The following SCG2 variants were observed in gnomAD, a reference collection of about 807,000 sequenced individuals.
SCG2 encodes secretogranin II, also known as secretogranin-2.
A neutral mutation model predicts 49.5 loss-of-function variants in SCG2; 23 were observed. That is an observed-to-expected ratio of 0.46 (90% CI 0.33 to 0.66). The LOEUF (loss-of-function observed/expected upper bound fraction) is 0.66. Among genes scored for constraint, SCG2 ranks in the 30% least tolerant of loss-of-function variants. The pLI is 0.01. For synonymous variants in SCG2, 288 were observed against 260.4 expected, an observed-to-expected ratio of 1.11 and a Z score of -1.02; for missense variants, 730 against 728.2, an observed-to-expected ratio of 1.00 and a Z score of -0.03.
At position 223,598,509 on chromosome 2, in the gene SCG2, C is replaced by T; in HGVS notation, c.774G>A (p.Glu258=). Residue 258 remains glutamate, a synonymous_variant, in exon 2 of 2, where the codon GAG becomes GAA. Coordinates refer to ENST00000305409, the MANE Select transcript of SCG2 (RefSeq NM_003469.5). ...CTCTCACCTCTTCCTGGGTTTGACT[C>T]TCTATTTTCTCCTCTACTGGGTTCC... ...EDWNPVEEKI[E]SQTQEEVRDS... The T allele has an allele frequency of 6.2e-7, 1 of 1,613,986 alleles. No homozygotes were observed.
chr2:223,597,874 G>T lies in SCG2; in HGVS notation c.1409C>A (p.Ala470Asp). ...AAGCTGGTTCGATCTAGATCTTCCA[G>T]CACCATAAGGGAGCCTTGGCAGAAC... ...EKVLPRLPYG[A>D]GRSRSNQLPK... Residue 470 changes from alanine to aspartate, a missense_variant, in exon 2 of 2, where the codon GCT becomes GAT. Transcript: ENST00000305409. The T allele has an allele frequency of 6.2e-7, 1 of 1,614,176 alleles. No homozygotes were observed. Among genetic ancestry groups the T allele is most frequent in the Non-Finnish European group, 8.5e-7 (1 of 1,180,040 alleles).
In SCG2 at chr2:223,597,330, A is replaced by G; in HGVS notation, c.*99T>C. 6 of 1,420,504 alleles carry G rather than the reference A, an allele frequency of 4.2e-6. No individual in the cohort carries two copies. The highest frequency in any genetic ancestry group is 5.7e-6 in the Non-Finnish European group (6 of 1,052,826). 88.0% of individuals were successfully genotyped at this position (1,420,504 alleles called of 1,614,324 possible). A position where few individuals can be genotyped will look rare whatever the true frequency, so the allele number is the denominator to read the frequency against. On this transcript the variant is annotated 3_prime_UTR_variant, in exon 2 of 2. Transcript: ENST00000305409. ...ATCTGCCTGTACATCATTTAAAGAT[A>G]TTACAGTGTTAACAGGATAGAAGTC...
Position 223,598,228 on chromosome 2 carries a change from A to C in SCG2, c.1055T>G (p.Ile352Ser), listed in dbSNP as rs879093467. The C allele has an allele frequency of 6.2e-7, 1 of 1,614,178 alleles. No individual in the cohort carries two copies. ...PLDSQSIYQL[I>S]EISRNLQIPP... ...TATCTGTAAATTCCTTGAGATTTCAATCAGCTGATAAATAGACTGAGAATC... is the reference window on the plus strand; with the variant it reads ...TATCTGTAAATTCCTTGAGATTTCACTCAGCTGATAAATAGACTGAGAATC... The change falls in exon 2 of 2, where the codon ATT (isoleucine) becomes AGT (serine). Residue 352 changes from isoleucine (I) to serine (S), a missense_variant. Coordinates refer to ENST00000305409, the MANE Select transcript of SCG2 (RefSeq NM_003469.5).
chr2:223,600,317 A>G (rs1691371607), intron 1 of SCG2, among the ~76,000 whole-genome samples: 1 of 152,194 alleles, frequency 6.6e-6, no homozygotes, highest in Non-Finnish European at 1.5e-5. Context: ...GTTTAGAAAA[A>G]TCTTAAAATA....
In SCG2 at chr2:223,598,484, C is replaced by G; in HGVS notation, c.799G>C (p.Asp267His). The G allele has an allele frequency of 6.2e-7, 1 of 1,613,998 alleles. No individual in the cohort carries two copies. Residue 267 changes from aspartate (D) to histidine (H), a missense_variant, in exon 2 of 2, where the codon GAC becomes CAC. By Grantham distance (81) the Asp-to-His change is moderately conservative. Coordinates refer to ENST00000305409, the MANE Select transcript of SCG2 (RefSeq NM_003469.5). ...IESQTQEEVR[D>H]SKENIEKNEQ... ...TTTTTTTCTATATTCTCTTTGCTGT[C>G]TCTCACCTCTTCCTGGGTTTGACTC...
rs1421279110 is a variant in SCG2, at chr2:223,598,006, G to A, written c.1277C>T (p.Ala426Val). The A allele has an allele frequency of 6.2e-7, 1 of 1,613,792 alleles. No homozygotes were observed. The highest frequency in any genetic ancestry group is 1.1e-5 in the South Asian group (1 of 91,024). The change falls in exon 2 of 2, where the codon GCC becomes GTC. Residue 426 changes from alanine (A) to valine (V), a missense_variant. Ala to Val is a moderately conservative substitution (Grantham distance 64). Coordinates refer to ENST00000305409, the MANE Select transcript of SCG2 (RefSeq NM_003469.5). Reference sequence around the variant, plus strand: ...CTCAACACTGAGCCCGTCTGGTAGGGCCTCAGTCCCAGCACGACCAGGTGT... The same window carrying A: ...CTCAACACTGAGCCCGTCTGGTAGGACCTCAGTCCCAGCACGACCAGGTGT... ...PKTPGRAGTE[A>V]LPDGLSVEDI...
rs997232784 is a variant in SCG2 at position 223,602,299 on chromosome 2, A to G, written c.-29T>C. On this transcript the variant is annotated 5_prime_UTR_variant, in exon 1 of 2. Transcript: ENST00000305409. ...AGCAGCCTTACCTCTTTTTGTTTAT[A>G]TGGCAGAGGAGCTCCACAGCATATT... The G allele has an allele frequency of 2.6e-5, 4 of 152,126 alleles. No individual in the cohort carries two copies. The highest frequency in any genetic ancestry group is 1.3e-4 in the Admixed American group (2 of 15,290). 9.4% of individuals were successfully genotyped at this position (152,126 alleles called of 1,614,324 possible).
At position 223,602,352 on chromosome 2, in the gene SCG2, G is replaced by A. The variant is rs1451972398; in HGVS notation, c.-82C>T. 1.3e-5 allele frequency: 2 copies of A among 151,924 alleles called. No individual in the cohort carries two copies. The highest frequency in any genetic ancestry group is 2.9e-5 in the Non-Finnish European group (2 of 67,990). 9.4% of individuals were successfully genotyped at this position (151,924 alleles called of 1,614,324 possible). On this transcript the variant is annotated 5_prime_UTR_variant, in exon 1 of 2. Coordinates refer to ENST00000305409, the MANE Select transcript of SCG2 (RefSeq NM_003469.5). The stretch of plus-strand genomic sequence containing the variant: ...TCCCCGTTCTCCGGGCGAGCTTCTC[G>A]GGCCGTTTCAGCACACGGACAGCTC...
Position 223,598,939 on chromosome 2 carries a change from A to G in SCG2, c.344T>C (p.Leu115Pro). 6.2e-7 allele frequency: 1 copy of G among 1,614,128 alleles called. No homozygotes were observed. Among genetic ancestry groups the G allele is most frequent in the Non-Finnish European group, 8.5e-7 (1 of 1,180,026 alleles). Residue 115 changes from leucine (L) to proline (P), a missense_variant, in exon 2 of 2, where the codon CTC (leucine) becomes CCC (proline). Coordinates refer to ENST00000305409, the MANE Select transcript of SCG2 (RefSeq NM_003469.5). ...LSEEDWMRII[L>P]EALRQAENEP... ...ATTTTCAGCCTGTCTCAAAGCTTCG[A>G]GTATTATTCTCATCCAGTCTTCTTC...
rs1559237609 is a variant in SCG2, at chr2:223,598,586, T to C, written c.697A>G (p.Ile233Val). The C allele has an allele frequency of 1.2e-6, 2 of 1,614,150 alleles. No homozygotes were observed. The highest frequency in any genetic ancestry group is 1.7e-6 in the Non-Finnish European group (2 of 1,180,036). Reference protein sequence around the residue: ...QKLYTDDEDDIYKANNIAYED... With the variant: ...QKLYTDDEDDVYKANNIAYED... ...TAGGCAATGTTATTAGCCTTGTAGA[T>C]ATCATCTTCATCATCCGTATAAAGT... The change falls in exon 2 of 2, where the codon ATC becomes GTC. Residue 233 changes from isoleucine (I) to valine (V), a missense_variant. Physicochemically the swap from Ile to Val is conservative, Grantham distance 29 (BLOSUM62 3). Transcript: ENST00000305409.
Position 223,599,304 on chromosome 2 carries a change from C to G in SCG2, c.-14-8G>C, listed in dbSNP as rs762975343. 1 of 1,538,316 alleles carries G rather than the reference C, an allele frequency of 6.5e-7. No individual in the cohort carries two copies. The highest frequency in any genetic ancestry group is 1.4e-5 in the African/African-American group (1 of 71,972). On this transcript the variant is annotated splice_polypyrimidine_tract_variant and splice_region_variant and intron_variant, in intron 1 of 1. Coordinates refer to ENST00000305409, the MANE Select transcript of SCG2 (RefSeq NM_003469.5). ...CCATGTTTGAAAGATTTCCTTAAAA[C>G]ATAAAAAATATGAGTTACACAAATG...
At chr2:223,601,750 G>GA (rs1056493703) in intron 1 of SCG2, among the ~76,000 whole-genome samples, 3 of 152,126 alleles carry the variant, frequency 2.0e-5, no homozygotes, top group African/African-American at 4.8e-5. Context: ...TACAAGTTCA[G>GA]AAAAGAATTT....
In SCG2 at chr2:223,598,446, G is replaced by T; in HGVS notation, c.837C>A (p.Asn279Lys). ...GCTGCCCTGAGCGTTTCATCTCATC[G>T]TTGATTTGTTCATTTTTTTCTATAT... ...KENIEKNEQI[N>K]DEMKRSGQLG... Residue 279 changes from asparagine (N) to lysine (K), a missense_variant, in exon 2 of 2, where the codon AAC becomes AAA. Asn to Lys is a moderately conservative substitution (Grantham distance 94, BLOSUM62 0). Coordinates refer to ENST00000305409, the MANE Select transcript of SCG2 (RefSeq NM_003469.5). The T allele has an allele frequency of 6.2e-7, 1 of 1,613,898 alleles. No individual in the cohort carries two copies. Among genetic ancestry groups the T allele is most frequent in the Non-Finnish European group, 8.5e-7 (1 of 1,179,994 alleles).
intron 1 of SCG2, among the ~76,000 whole-genome samples, chr2:223,600,322 A>C (rs916237893): frequency 2.0e-5 from 3 of 152,170 alleles, no homozygotes; most frequent in Non-Finnish European, 4.4e-5. Context: ...GAAAAATCTT[A>C]AAATAACCAC....
At position 223,597,668 on chromosome 2, in the gene SCG2, C is replaced by T; in HGVS notation, c.1615G>A (p.Glu539Lys). 2 of 1,614,138 alleles carry T rather than the reference C, an allele frequency of 1.2e-6. No homozygotes were observed. Among genetic ancestry groups the T allele is most frequent in the South Asian group, 1.1e-5 (1 of 91,072 alleles). Residue 539 changes from glutamate to lysine, a missense_variant, in exon 2 of 2, where the codon GAA (glutamate) becomes AAA (lysine). By Grantham distance (56) the Glu-to-Lys change is moderately conservative. Transcript: ENST00000305409. The part of the protein sequence containing the change: ...GQGSSEDDLQ[E>K]EEQIEQAIKE... The stretch of plus-strand genomic sequence containing the variant: ...ATGGCCTGCTCAATTTGTTCCTCTT[C>T]CTGCAGGTCATCTTCAGATGAGCCT...
chr2:223,602,051 T>A (rs191963369), intron 1 of SCG2: 1 of 152,328 alleles, frequency 6.6e-6, no homozygotes, highest in Admixed American at 6.5e-5. Context: ...TATATGATTA[T>A]CTAAGTAACA....
At chr2:223,600,734 A>G (rs927217056) in intron 1 of SCG2, among the ~76,000 whole-genome samples, 1 of 152,142 alleles carries the variant, frequency 6.6e-6, no homozygotes, top group Non-Finnish European at 1.5e-5. Context: ...ACATTTTAGC[A>G]TACGTATATA....
intron 1 of SCG2, among the ~76,000 whole-genome samples, chr2:223,599,611 G>GT (rs1211899822): frequency 6.6e-6 from 1 of 152,144 alleles, no homozygotes; most frequent in Non-Finnish European, 1.5e-5. Context: ...GTAGTTTGAT[G>GT]TTTAGTACAT....
In SCG2 at chr2:223,598,699, A is replaced by G. The variant is rs1482515161; in HGVS notation, c.584T>C (p.Leu195Pro). 1.9e-6 allele frequency: 3 copies of G among 1,613,836 alleles called. No individual in the cohort carries two copies. Among genetic ancestry groups the G allele is most frequent in the Non-Finnish European group, 2.5e-6 (3 of 1,180,046 alleles). The part of the protein sequence containing the change: ...IVEEQYTPQS[L>P]ATLESVFQEL... ...TTGGAAGACAGATTCCAATGTAGCA[A>G]GGCTTTGAGGAGTATATTGTTCCTC... Residue 195 changes from leucine to proline, a missense_variant, in exon 2 of 2, where the codon CTT becomes CCT. By Grantham distance (98) the Leu-to-Pro change is moderately conservative. Coordinates refer to ENST00000305409, the MANE Select transcript of SCG2 (RefSeq NM_003469.5).
Sources: gnomAD v4.1 joint callset for allele counts (sites outside exome capture counted in the v4.1 genomes callset) on GRCh38, gnomAD v4.1.1 for gene constraint, MANE v1.5 for transcripts, NCBI Gene and HGNC (gene_info 2026-07-23, HGNC 2026-07-21) for gene names.